The following CNTNAP2 variants were observed in gnomAD, a reference collection of about 807,000 sequenced individuals.
CNTNAP2 encodes contactin associated protein 2.
CNTNAP2 carries 98 observed loss-of-function variants against 155.2 expected under a neutral mutation model. That is an observed-to-expected ratio of 0.63 (90% CI 0.54 to 0.75). The LOEUF (loss-of-function observed/expected upper bound fraction) is 0.75, where lower values mean the gene tolerates loss of function less well. Among genes scored for constraint, CNTNAP2 ranks in the 30% least tolerant of loss-of-function variants. The probability of loss-of-function intolerance (pLI) is 0.00; values close to 1 mark genes in which losing one functional copy is unlikely to be tolerated. For missense variants in CNTNAP2, 1,727 were observed against 1,688.1 expected, an observed-to-expected ratio of 1.02 and a Z score of -0.40; for synonymous variants, 651 against 631.2, an observed-to-expected ratio of 1.03 and a Z score of -0.47.
chr7:146,942,465 A>G (rs1471617105), intron 3 of CNTNAP2, among the ~76,000 whole-genome samples: 1 of 152,158 alleles, frequency 6.6e-6, no homozygotes. Flanking sequence ...AAGGACTATT[A>G]CAAGAATGTG....
At chr7:148,322,025 C>T (rs1480021129) in intron 21 of CNTNAP2, among the ~76,000 whole-genome samples, 1 of 151,720 alleles carries the variant, frequency 6.6e-6, no homozygotes, top group African/African-American at 2.4e-5. Flanking sequence ...TGCCTCAGCA[C>T]CCGTCCCCCT....
intron 4 of CNTNAP2, among the ~76,000 whole-genome samples, chr7:147,087,936 C>G (rs1404390060): frequency 6.6e-6 from 1 of 152,056 alleles, no homozygotes; most frequent in Non-Finnish European, 1.5e-5. Flanking sequence ...GAGATTGTGC[C>G]ACTGCACTCC....
intron 1 of CNTNAP2, among the ~76,000 whole-genome samples, chr7:146,563,203 T>C (rs1383856551): frequency 6.6e-6 from 1 of 152,204 alleles, no homozygotes; most frequent in Non-Finnish European, 1.5e-5. Flanking sequence ...TCGTTGTTGT[T>C]CCTTAAATAT....
intron 3 of CNTNAP2, among the ~76,000 whole-genome samples, chr7:146,931,918 C>T (rs1205462914): frequency 6.6e-6 from 1 of 152,102 alleles, no homozygotes. Context: ...AGACCAATAA[C>T]AGGCTCTGAA....
At chr7:147,732,579 A>C (rs1796761859) in intron 13 of CNTNAP2, among the ~76,000 whole-genome samples, 1 of 152,168 alleles carries the variant, frequency 6.6e-6, no homozygotes, top group Non-Finnish European at 1.5e-5. Flanking sequence ...GTCAAATGGT[A>C]TTTCTAGTTC....
Position 148,151,445 on chromosome 7 carries a change from A to G in CNTNAP2, c.2773+3736A>G, listed in dbSNP as rs576264481. On this transcript the variant is annotated intron_variant, in intron 17 of 23. Transcript: ENST00000361727. ...CTCGGCCTCCTGTGTAGCTGGGATT[A>G]CAGGCATGTGCCACCGTGACTGGCT... Among the ~76,000 whole-genome samples the G allele has an allele frequency of 2.6e-5, 4 of 152,174 alleles. No individual in the cohort carries two copies. In the South Asian group the frequency reaches 8.3e-4, roughly 32 times the overall value.
intron 15 of CNTNAP2, among the ~76,000 whole-genome samples, chr7:148,090,796 C>A (rs1414679235): frequency 1.3e-5 from 2 of 152,064 alleles, no homozygotes; most frequent in Non-Finnish European, 2.9e-5. Context: ...TAAGTGCACT[C>A]CTATGTTTAC....
intron 1 of CNTNAP2, among the ~76,000 whole-genome samples, chr7:146,342,079 C>A (rs1377691397): frequency 6.6e-6 from 1 of 152,022 alleles, no homozygotes; most frequent in African/African-American, 2.4e-5. Context: ...CTCTAAAAAT[C>A]ATGGTCACGG....
intron 5 of CNTNAP2, among the ~76,000 whole-genome samples, chr7:147,115,435 C>T (rs138690488): frequency 2.6e-5 from 4 of 152,232 alleles, no homozygotes; most frequent in East Asian, 3.9e-4. Flanking sequence ...TCCATTCTCC[C>T]GGTCTCTCCC....
intron 12 of CNTNAP2, among the ~76,000 whole-genome samples, chr7:147,626,522 T>C (rs2116901749): frequency 6.6e-6 from 1 of 152,264 alleles, no homozygotes; most frequent in Non-Finnish European, 1.5e-5. Context: ...TGCCCTGACC[T>C]GATAGGATTT....
chr7:147,273,744 T>C (rs1167200595), intron 8 of CNTNAP2, among the ~76,000 whole-genome samples: 1 of 147,554 alleles, frequency 6.8e-6, no homozygotes, highest in African/African-American at 2.5e-5. Flanking sequence ...ATATATATTT[T>C]ATATATGTAA....
At chr7:147,778,112 C>T (rs1797612833) in intron 13 of CNTNAP2, among the ~76,000 whole-genome samples, 1 of 152,168 alleles carries the variant, frequency 6.6e-6, no homozygotes, top group African/African-American at 2.4e-5. Flanking sequence ...CTGACTCATG[C>T]TTCGGCATAA....
chr7:147,033,794 A>AG (rs1333537436), intron 3 of CNTNAP2, among the ~76,000 whole-genome samples: 7 of 146,238 alleles, frequency 4.8e-5, no homozygotes, highest in Non-Finnish European at 1.0e-4. Flanking sequence ...TTGAGTGAAG[A>AG]GGGGAAAAAA....
intron 16 of CNTNAP2, among the ~76,000 whole-genome samples, chr7:148,144,099 G>A (rs1392240771): frequency 6.6e-6 from 1 of 152,168 alleles, no homozygotes; most frequent in Non-Finnish European, 1.5e-5. Flanking sequence ...ATTATTGGGA[G>A]AAAAATCTCC....
At chr7:147,822,922 A>T (rs1397315513) in intron 13 of CNTNAP2, among the ~76,000 whole-genome samples, 1 of 152,176 alleles carries the variant, frequency 6.6e-6, no homozygotes, top group African/African-American at 2.4e-5. Context: ...TCAACTCTGC[A>T]AGAGACAAGG....
chr7:146,421,493 A>T (rs995637749), intron 1 of CNTNAP2, among the ~76,000 whole-genome samples: 14 of 152,022 alleles, frequency 9.2e-5, no homozygotes, highest in Non-Finnish European at 1.9e-4. Flanking sequence ...ATTGAGTTTT[A>T]CAACAGGTAG....
At chr7:147,491,855 T>G (rs1486481651) in intron 11 of CNTNAP2, among the ~76,000 whole-genome samples, 1 of 152,054 alleles carries the variant, frequency 6.6e-6, no homozygotes, top group Admixed American at 6.6e-5. Context: ...TACCAAAAAC[T>G]ACCACAAGAC....
At chr7:147,169,467 C>A (rs1802183837) in intron 8 of CNTNAP2, among the ~76,000 whole-genome samples, 1 of 152,134 alleles carries the variant, frequency 6.6e-6, no homozygotes, top group Non-Finnish European at 1.5e-5. Context: ...GTCTACTGTT[C>A]CCATGTTTAT....
At chr7:146,965,452 C>T (rs1797639059) in intron 3 of CNTNAP2, among the ~76,000 whole-genome samples, 1 of 152,032 alleles carries the variant, frequency 6.6e-6, no homozygotes, top group African/African-American at 2.4e-5. Context: ...TTGCACAATA[C>T]ATTCTTGCAG....
Sources: gnomAD v4.1 joint callset for allele counts (sites outside exome capture counted in the v4.1 genomes callset) on GRCh38, gnomAD v4.1.1 for gene constraint, MANE v1.5 for transcripts, NCBI Gene and HGNC (gene_info 2026-07-23, HGNC 2026-07-21) for gene names.